The following TESK2 variants were observed in gnomAD, a reference collection of about 807,000 sequenced individuals.
The protein encoded by TESK2 is dual specificity testis-specific protein kinase 2.
Under a neutral mutation model 57.1 loss-of-function variants are expected in TESK2, and 39 were observed. That is an observed-to-expected ratio of 0.68 (90% confidence interval 0.53 to 0.89). The LOEUF is 0.89. Among genes scored for constraint, TESK2 ranks in the 40% least tolerant of loss-of-function variants. The pLI is 0.00. For missense variants in TESK2, 646 were observed against 732.1 expected (o/e 0.88, Z 1.36); for synonymous variants, 249 against 267.9 (o/e 0.93, Z 0.69).
Position 45,384,593 on chromosome 1 carries a change from AT to A in TESK2, c.393+1318del, listed in dbSNP as rs59988269. Among the ~76,000 whole-genome samples the A allele has an allele frequency of 9.2e-3, 650 of 70,810 alleles. 14 individuals carry two copies. Among genetic ancestry groups the A allele is most frequent in the African/African-American group, 0.033 (575 of 17,504 alleles). 46.5% of individuals were successfully genotyped at this position (70,810 alleles called of 152,430 possible). ...TGCCATCACATCCAGCTAATTATTA[AT>A]TTTTTTTTTTTTTTTTTTTTTTTTT... On this transcript the variant is annotated intron_variant, in intron 4 of 10. Coordinates refer to ENST00000372086, the MANE Select transcript of TESK2 (RefSeq NM_007170.3).
At chr1:45,453,842 C>A (rs1651969142) in intron 2 of TESK2, among the ~76,000 whole-genome samples, 1 of 151,856 alleles carries the variant, frequency 6.6e-6, no homozygotes, top group African/African-American at 2.4e-5. Flanking sequence ...CAATGCAATT[C>A]AAAAATGAGC....
intron 1 of TESK2, among the ~76,000 whole-genome samples, chr1:45,478,149 T>C (rs943974434): frequency 2.0e-5 from 3 of 152,208 alleles, no homozygotes; most frequent in Admixed American, 6.5e-5. Context: ...ACATAGAGAA[T>C]TGCTATATTT....
At chr1:45,480,470 AAAAAG>A (rs1653173032) in intron 1 of TESK2, among the ~76,000 whole-genome samples, 2 of 151,572 alleles carry the variant, frequency 1.3e-5, no homozygotes, top group Non-Finnish European at 2.9e-5. Context: ...AAAAAAAAAA[AAAAAG>A]AAATCTCACT....
chr1:45,396,332 G>C (rs1174199894), intron 3 of TESK2, among the ~76,000 whole-genome samples: 1 of 151,792 alleles, frequency 6.6e-6, no homozygotes, highest in East Asian at 1.9e-4. Flanking sequence ...CTGACCTCAA[G>C]TGATCCACCC....
At chr1:45,412,289 T>C (rs565184015) in intron 3 of TESK2, among the ~76,000 whole-genome samples, 1 of 152,326 alleles carries the variant, frequency 6.6e-6, no homozygotes, top group Non-Finnish European at 1.5e-5. Flanking sequence ...GAAGGCTGAA[T>C]TACAGCCCAC....
At chr1:45,357,168 C>G (rs1479620245) in intron 4 of TESK2, among the ~76,000 whole-genome samples, 1 of 151,630 alleles carries the variant, frequency 6.6e-6, no homozygotes, top group African/African-American at 2.4e-5. Context: ...TGCACTCCAG[C>G]CTGGGCAACA....
At chr1:45,383,776 GA>G (rs1252599470) in intron 4 of TESK2, among the ~76,000 whole-genome samples, 5 of 152,104 alleles carry the variant, frequency 3.3e-5, no homozygotes, top group Non-Finnish European at 2.9e-5. Context: ...GAAGGAAGGG[GA>G]GAATTTTATC....
At chr1:45,353,752 A>T (rs1647297608) in intron 5 of TESK2, among the ~76,000 whole-genome samples, 1 of 152,218 alleles carries the variant, frequency 6.6e-6, no homozygotes, top group Non-Finnish European at 1.5e-5. Context: ...CCCATTAATA[A>T]TCAAACGGTA....
At chr1:45,474,474 GTATT>G (rs1396898706) in intron 1 of TESK2, among the ~76,000 whole-genome samples, 3 of 151,380 alleles carry the variant, frequency 2.0e-5, no homozygotes, top group Non-Finnish European at 4.4e-5. Flanking sequence ...TTTTTTTATT[GTATT>G]TATTTATTTT....
chr1:45,375,994 T>TG (rs1308306489), intron 4 of TESK2, among the ~76,000 whole-genome samples: 6 of 152,158 alleles, frequency 3.9e-5, no homozygotes, highest in Admixed American at 6.6e-5. Context: ...TTCTCAAATG[T>TG]CACAGGGAGT....
intron 1 of TESK2, among the ~76,000 whole-genome samples, chr1:45,487,993 C>A (rs1021163760): frequency 1.3e-5 from 2 of 151,220 alleles, no homozygotes; most frequent in Non-Finnish European, 2.9e-5. Flanking sequence ...TGACTCCCTG[C>A]AACCTCAGCC....
At chr1:45,367,872 T>A (rs1330771597) in intron 4 of TESK2, among the ~76,000 whole-genome samples, 1 of 151,258 alleles carries the variant, frequency 6.6e-6, no homozygotes, top group Non-Finnish European at 1.5e-5. Context: ...TTGGCCAGGC[T>A]GGTCTCGAAC....
intron 3 of TESK2, among the ~76,000 whole-genome samples, chr1:45,394,191 A>G (rs1649262605): frequency 2.0e-5 from 3 of 151,698 alleles, no homozygotes; most frequent in South Asian, 4.1e-4. Flanking sequence ...CCCAGTCTGG[A>G]GTGCGGTGGC....
rs75080740 is a variant in TESK2, at chr1:45,362,387, C to T, written c.394-6938G>A. 2.4e-3 allele frequency among the ~76,000 whole-genome samples: 358 copies of T among 152,312 alleles called. 7 individuals are homozygous for T. In the East Asian group the frequency reaches 0.031, roughly 13 times the overall value. On this transcript the variant is annotated intron_variant, in intron 4 of 10. Transcript: ENST00000372086. ...GACTGGCTCTAGGGAATATGTACCT[C>T]TCTCTGAGGTAAATGCACCCAGGAC...
At chr1:45,369,620 G>A (rs573146757) in intron 4 of TESK2, among the ~76,000 whole-genome samples, 60 of 152,144 alleles carry the variant, frequency 3.9e-4, no homozygotes, top group Admixed American at 1.6e-3. Context: ...CAGTGGAGGC[G>A]GGCAGAGAGG....
intron 1 of TESK2, among the ~76,000 whole-genome samples, chr1:45,462,422 G>A (rs1369974968): frequency 6.6e-6 from 1 of 152,020 alleles, no homozygotes; most frequent in South Asian, 2.1e-4. Flanking sequence ...ACAGGCGCCT[G>A]ACACCACACC....
chr1:45,403,070 G>A (rs1379932261), intron 3 of TESK2, among the ~76,000 whole-genome samples: 1 of 151,744 alleles, frequency 6.6e-6, no homozygotes, highest in Non-Finnish European at 1.5e-5. Flanking sequence ...GATTGCTTGA[G>A]CCCAGGAGTT....
rs1217830568 is a variant in TESK2, at chr1:45,346,735, G to A, written c.837C>T (p.Asp279=). The A allele has an allele frequency of 1.2e-6, 2 of 1,614,076 alleles. No individual in the cohort carries two copies. Among genetic ancestry groups the A allele is most frequent in the African/African-American group, 2.7e-5 (2 of 75,060 alleles). Residue 279 remains aspartate, a synonymous_variant, in exon 9 of 11, where the codon GAC becomes GAT. Transcript: ENST00000372086. ...DYDAFQHMVG[D]CPPDFLQLTF... is the part of the protein sequence containing the mutation. Reference sequence around the variant, plus strand: ...TAAGTTGCAGAAAATCTGGGGGACAGTCTCCCACCATGTGCTGGAAAGCAT... The same window carrying A: ...TAAGTTGCAGAAAATCTGGGGGACAATCTCCCACCATGTGCTGGAAAGCAT...
At chr1:45,418,915 TTAAAAG>T (rs1650352096) in intron 3 of TESK2, among the ~76,000 whole-genome samples, 1 of 151,666 alleles carries the variant, frequency 6.6e-6, no homozygotes, top group African/African-American at 2.4e-5. Flanking sequence ...ATCACAAAAA[TTAAAAG>T]TAATTTAAAA....
Sources: allele counts gnomAD v4.1 joint callset (sites outside exome capture counted in the v4.1 genomes callset), GRCh38; gene constraint gnomAD v4.1.1; transcripts MANE v1.5; gene names NCBI Gene and HGNC (gene_info 2026-07-23, HGNC 2026-07-21).